The following EPC2 variants were observed in gnomAD, a reference collection of about 807,000 sequenced individuals.
EPC2 encodes the protein enhancer of polycomb homolog 2.
Under a neutral mutation model 92.1 loss-of-function variants are expected in EPC2, and 14 were observed. That is an observed-to-expected ratio of 0.15 (90% confidence interval 0.10 to 0.24). The LOEUF is 0.24. EPC2 is among the 10% of genes least tolerant of loss of function. EPC2 has a pLI of 1.00. For synonymous variants in EPC2, 340 were observed against 334.7 expected, an observed-to-expected ratio of 1.02 and a Z score of -0.17; for missense variants, 755 against 971.5, an observed-to-expected ratio of 0.78 and a Z score of 2.96.
At chr2:148,776,002 C>G (rs112148958) in intron 10 of EPC2, among the ~76,000 whole-genome samples, 1 of 151,788 alleles carries the variant, frequency 6.6e-6, no homozygotes, top group East Asian at 1.9e-4. Flanking sequence ...AGGATGGTCT[C>G]GATCTCCTGA....
At chr2:148,673,818 TC>T (rs1681203164) in intron 1 of EPC2, among the ~76,000 whole-genome samples, 1 of 152,164 alleles carries the variant, frequency 6.6e-6, no homozygotes, top group South Asian at 2.1e-4. Context: ...ACTCCTGACC[TC>T]AAGTGATCTG....
chr2:148,708,545 G>C (rs985311014), intron 2 of EPC2, among the ~76,000 whole-genome samples: 7 of 151,938 alleles, frequency 4.6e-5, no homozygotes, highest in African/African-American at 1.7e-4. Context: ...CAACAAAAAA[G>C]GAGAATTTTA....
intron 2 of EPC2, among the ~76,000 whole-genome samples, chr2:148,721,239 TTTTA>T (rs1682367931): frequency 6.6e-6 from 1 of 152,110 alleles, no homozygotes; most frequent in African/African-American, 2.4e-5. Context: ...AGTCCTCAAT[TTTTA>T]TTTGTCTGAG....
intron 10 of EPC2, among the ~76,000 whole-genome samples, chr2:148,780,732 A>C (rs1683731883): frequency 6.6e-6 from 1 of 152,222 alleles, no homozygotes; most frequent in Non-Finnish European, 1.5e-5. Context: ...GATAGCAAGC[A>C]ATAAAGAAAA....
chr2:148,704,361 G>A (rs1681951620), intron 2 of EPC2, among the ~76,000 whole-genome samples: 1 of 152,118 alleles, frequency 6.6e-6, no homozygotes, highest in Non-Finnish European at 1.5e-5. Context: ...ACTGGGGAGA[G>A]GGAGAAATGG....
chr2:148,698,949 A>G (rs1043448253), intron 2 of EPC2, among the ~76,000 whole-genome samples: 1 of 151,666 alleles, frequency 6.6e-6, no homozygotes, highest in Non-Finnish European at 1.5e-5. Flanking sequence ...AATAATTTTA[A>G]TAGTCTTTGG....
intron 10 of EPC2, among the ~76,000 whole-genome samples, chr2:148,775,841 G>A (rs1437378805): frequency 5.4e-5 from 7 of 129,516 alleles, no homozygotes; most frequent in African/African-American, 8.7e-5. Flanking sequence ...ACAGTGGCAC[G>A]ATCTCGGCTC....
At chr2:148,753,454 T>C (rs557920857) in intron 3 of EPC2, among the ~76,000 whole-genome samples, 1 of 152,316 alleles carries the variant, frequency 6.6e-6, no homozygotes, top group African/African-American at 2.4e-5. Flanking sequence ...AGGTATATTA[T>C]AGTAAATTGC....
chr2:148,745,131 A>G (rs1179399683), intron 3 of EPC2, among the ~76,000 whole-genome samples: 2 of 152,004 alleles, frequency 1.3e-5, no homozygotes, highest in Non-Finnish European at 2.9e-5. Flanking sequence ...TGGGAGTTCT[A>G]AAAAAGTACC....
chr2:148,685,274 A>G (rs907673628), intron 1 of EPC2, among the ~76,000 whole-genome samples: 3 of 151,588 alleles, frequency 2.0e-5, no homozygotes, highest in Non-Finnish European at 4.4e-5. Flanking sequence ...TATTGTTCGT[A>G]CTTCTGAAAT....
intron 2 of EPC2, among the ~76,000 whole-genome samples, chr2:148,739,908 A>G (rs1320873548): frequency 7.2e-6 from 1 of 139,204 alleles, no homozygotes; most frequent in South Asian, 2.2e-4. Flanking sequence ...ATGTACACAC[A>G]GACACATGCC....
rs1017078730 is a variant in EPC2, at chr2:148,785,066, C to CA, written c.2351+65_2351+66insA. On this transcript the variant is annotated intron_variant, in intron 13 of 13. Coordinates refer to ENST00000258484, the MANE Select transcript of EPC2 (RefSeq NM_015630.4). ...TGGCTGTCCTGTGGGAAGAAAAAGA[C>CA]TTTTTTTTACACTGCTCAAGCAATA... The CA allele has an allele frequency of 5.3e-6, 7 of 1,320,864 alleles. No homozygotes were observed. In the African/African-American group the frequency reaches 9.0e-5, roughly 17 times the overall value. The allele number at this position is 1,320,864 out of a possible 1,614,324, so 81.8% of individuals were successfully genotyped here.
intron 2 of EPC2, among the ~76,000 whole-genome samples, chr2:148,742,277 C>G (rs1682892990): frequency 6.6e-6 from 1 of 152,164 alleles, no homozygotes. Flanking sequence ...TTTAATGAAA[C>G]TAAATACCAG....
chr2:148,776,229 T>A (rs1417350947), intron 10 of EPC2, among the ~76,000 whole-genome samples: 2 of 152,238 alleles, frequency 1.3e-5, no homozygotes, highest in Non-Finnish European at 2.9e-5. Context: ...TAATGTGATT[T>A]AACATCTAGC....
chr2:148,676,994 C>G (rs1403866438), intron 1 of EPC2, among the ~76,000 whole-genome samples: 4 of 152,002 alleles, frequency 2.6e-5, no homozygotes, highest in Non-Finnish European at 4.4e-5. Context: ...AGTAACCTAC[C>G]AAAGTATAAC....
At chr2:148,676,496 T>C (rs1469064758) in intron 1 of EPC2, among the ~76,000 whole-genome samples, 1 of 152,050 alleles carries the variant, frequency 6.6e-6, no homozygotes, top group East Asian at 1.9e-4. Context: ...CTACAGAAGA[T>C]TTAGAAAATA....
At chr2:148,765,720 T>TA (rs1013000949) in intron 7 of EPC2, among the ~76,000 whole-genome samples, 115 of 152,338 alleles carry the variant, frequency 7.5e-4, no homozygotes, top group African/African-American at 2.6e-3. Context: ...GTGCTGTTTT[T>TA]AAAATAAGAC....
intron 2 of EPC2, among the ~76,000 whole-genome samples, chr2:148,702,995 C>T (rs968136524): frequency 2.0e-5 from 3 of 152,228 alleles, no homozygotes; most frequent in Admixed American, 6.5e-5. Flanking sequence ...TATCATACTT[C>T]CTGATATTAA....
chr2:148,766,787 G>T (rs1342257130), intron 7 of EPC2, among the ~76,000 whole-genome samples: 1 of 151,958 alleles, frequency 6.6e-6, no homozygotes, highest in Non-Finnish European at 1.5e-5. Context: ...AAAATGTTAA[G>T]TAAGAAAATG....
Sources: allele counts gnomAD v4.1 joint callset (sites outside exome capture counted in the v4.1 genomes callset), GRCh38; gene constraint gnomAD v4.1.1; transcripts MANE v1.5; gene names NCBI Gene and HGNC (gene_info 2026-07-23, HGNC 2026-07-21).